The following TAOK1 variants were observed in gnomAD, a reference collection of about 807,000 sequenced individuals.
The protein encoded by TAOK1 is TAO kinase 1, also known as serine/threonine-protein kinase TAO1.
TAOK1 carries 21 observed loss-of-function variants against 138.3 expected under a neutral mutation model. The ratio of observed to expected loss-of-function variants is 0.15; its 90% confidence interval spans 0.11 to 0.22. TAOK1 has a LOEUF of 0.22. Among genes scored for constraint, TAOK1 ranks in the 10% least tolerant of loss-of-function variants. The pLI, the probability that TAOK1 is intolerant of heterozygous loss-of-function variation, is 1.00. For missense variants in TAOK1, 651 were observed against 1,227.7 expected, an observed-to-expected ratio of 0.53 and a Z score of 7.02; for synonymous variants, 361 against 398.4, an observed-to-expected ratio of 0.91 and a Z score of 1.12.
intron 1 of TAOK1, among the ~76,000 whole-genome samples, chr17:29,437,128 A>G (rs1906057474): frequency 6.6e-6 from 1 of 152,076 alleles, no homozygotes; most frequent in Non-Finnish European, 1.5e-5. Flanking sequence ...CAGTGGTGTG[A>G]TCTTGGCTCA....
chr17:29,526,226 G>A (rs931366703), intron 17 of TAOK1, among the ~76,000 whole-genome samples: 4 of 151,836 alleles, frequency 2.6e-5, no homozygotes, highest in Admixed American at 1.3e-4. Flanking sequence ...TGGAGGTTAC[G>A]GTGAGCCAAG....
intron 2 of TAOK1, among the ~76,000 whole-genome samples, chr17:29,457,223 C>A (rs1201709187): frequency 6.8e-6 from 1 of 146,940 alleles, no homozygotes; most frequent in Non-Finnish European, 1.5e-5. Flanking sequence ...CCTCAGCCTT[C>A]CAAGTAGATG....
intron 1 of TAOK1, among the ~76,000 whole-genome samples, chr17:29,394,296 G>A (rs908539276): frequency 1.3e-5 from 2 of 151,370 alleles, no homozygotes; most frequent in South Asian, 4.2e-4. Flanking sequence ...CTCCTGAGTA[G>A]CTGGGACTAC....
At position 29,475,761 on chromosome 17, in the gene TAOK1, A is replaced by G; in HGVS notation, c.296A>G (p.His99Arg). The G allele has an allele frequency of 1.9e-6, 3 of 1,611,522 alleles. No homozygotes were observed. The highest frequency in any genetic ancestry group is 2.5e-6 in the Non-Finnish European group (3 of 1,178,586). Residue 99 changes from histidine to arginine, a missense_variant, in exon 4 of 20, where the codon CAC becomes CGC. Around this residue, in one of 8 missense-constraint regions of TAOK1, gnomAD observed 116 missense variants for 213.9 expected, o/e 0.54. Coordinates refer to ENST00000261716, the MANE Select transcript of TAOK1 (RefSeq NM_020791.4). ...TACAAAGGCTGTTATTTACGTGAACACACAGCATGGGTTGGTATTTGTTCT... is the reference window on the plus strand; with the variant it reads ...TACAAAGGCTGTTATTTACGTGAACGCACAGCATGGGTTGGTATTTGTTCT... ...IEYKGCYLRE[H>R]TAWLVMEYCL... is the part of the protein sequence containing the mutation.
At chr17:29,521,626 A>G (rs1483220471) in intron 16 of TAOK1, among the ~76,000 whole-genome samples, 2 of 152,204 alleles carry the variant, frequency 1.3e-5, no homozygotes, top group East Asian at 3.8e-4. Flanking sequence ...TCTGTCGCCC[A>G]GGCTGGAGTG....
chr17:29,541,576 G>C (rs1034857700), intron 19 of TAOK1, among the ~76,000 whole-genome samples: 16 of 150,458 alleles, frequency 1.1e-4, no homozygotes, highest in Non-Finnish European at 3.0e-5. Context: ...AGCAGTTCAA[G>C]ATCAGCCTTG....
At chr17:29,400,134 C>T (rs1200292109) in intron 1 of TAOK1, among the ~76,000 whole-genome samples, 1 of 152,054 alleles carries the variant, frequency 6.6e-6, no homozygotes, top group Non-Finnish European at 1.5e-5. Context: ...TGGCTCAGGC[C>T]TGTAATCTCA....
At chr17:29,439,971 C>A (rs1190744574) in intron 1 of TAOK1, among the ~76,000 whole-genome samples, 1 of 151,776 alleles carries the variant, frequency 6.6e-6, no homozygotes, top group Non-Finnish European at 1.5e-5. Context: ...AACTCCTCAT[C>A]CTCAACCTAA....
At chr17:29,410,108 C>T (rs774079400) in intron 1 of TAOK1, among the ~76,000 whole-genome samples, 9 of 152,114 alleles carry the variant, frequency 5.9e-5, no homozygotes, top group Non-Finnish European at 1.2e-4. Flanking sequence ...AAAAGTTTAT[C>T]GTCATGGATG....
intron 1 of TAOK1, among the ~76,000 whole-genome samples, chr17:29,448,621 C>T (rs1337729139): frequency 6.6e-6 from 1 of 152,120 alleles, no homozygotes; most frequent in Non-Finnish European, 1.5e-5. Context: ...TCTCTTGTCT[C>T]TCTGAATTTC....
intron 17 of TAOK1, among the ~76,000 whole-genome samples, chr17:29,527,082 CGCCACTGCACTCCA>C (rs1567745004): frequency 1.3e-5 from 2 of 151,786 alleles, no homozygotes; most frequent in Non-Finnish European, 2.9e-5. Context: ...GCTGAGGTAG[CGCCACTGCACTCCA>C]GCCTGGTGAC....
intron 14 of TAOK1, among the ~76,000 whole-genome samples, chr17:29,510,274 G>A (rs2031698075): frequency 6.6e-6 from 1 of 152,136 alleles, no homozygotes; most frequent in African/African-American, 2.4e-5. Context: ...CTACTTGGGA[G>A]GCTGAGGCAG....
At chr17:29,422,984 C>T (rs1818877457) in intron 1 of TAOK1, among the ~76,000 whole-genome samples, 1 of 152,098 alleles carries the variant, frequency 6.6e-6, no homozygotes, top group African/African-American at 2.4e-5. Context: ...GAGATCGCCT[C>T]ATTGCACTCT....
chr17:29,416,174 G>C (rs1905259065), intron 1 of TAOK1, among the ~76,000 whole-genome samples: 1 of 152,116 alleles, frequency 6.6e-6, no homozygotes, highest in East Asian at 1.9e-4. Flanking sequence ...TGAAGCAGGA[G>C]AATCGCTGGA....
chr17:29,396,220 G>A (rs756297190), intron 1 of TAOK1, among the ~76,000 whole-genome samples: 2 of 152,080 alleles, frequency 1.3e-5, no homozygotes, highest in Non-Finnish European at 2.9e-5. Flanking sequence ...TCATCATATG[G>A]TAACAGTTAT....
chr17:29,488,458 T>TGCTCGGGAGGCTGAG (rs2031220653), intron 8 of TAOK1, among the ~76,000 whole-genome samples: 1 of 67,940 alleles, frequency 1.5e-5, no homozygotes, highest in Non-Finnish European at 4.5e-5. Context: ...TAATCCCAGG[T>TGCTCGGGAGGCTGAG]ACTCGGGAGG....
At chr17:29,409,330 TATA>T (rs1372408104) in intron 1 of TAOK1, among the ~76,000 whole-genome samples, 1,004 of 54,802 alleles carry the variant, frequency 0.018, 10 homozygotes, top group East Asian at 0.12. Context: ...TATATATATA[TATA>T]TTTTTTTTTT....
intron 1 of TAOK1, among the ~76,000 whole-genome samples, chr17:29,406,063 G>A (rs142372489): frequency 4.6e-5 from 7 of 152,250 alleles, no homozygotes; most frequent in African/African-American, 1.7e-4. Context: ...ATACAATAGT[G>A]TAGTGCAGGG....
At chr17:29,533,031 C>CA (rs1476474398) in intron 18 of TAOK1, among the ~76,000 whole-genome samples, 9 of 52,638 alleles carry the variant, frequency 1.7e-4, no homozygotes, top group Non-Finnish European at 2.5e-4. Context: ...ACCCCCACCT[C>CA]CCTCCCGGAT....
Sources: gnomAD v4.1 joint callset for allele counts (sites outside exome capture counted in the v4.1 genomes callset) on GRCh38, gnomAD v4.1.1 for gene constraint, gnomAD v4.1.1 regional missense constraint, MANE v1.5 for transcripts, NCBI Gene and HGNC (gene_info 2026-07-23, HGNC 2026-07-21) for gene names.